The following DLG2 variants were observed in gnomAD, a reference collection of about 807,000 sequenced individuals.
The protein encoded by DLG2 is disks large homolog 2.
DLG2 carries 45 observed loss-of-function variants against 132.5 expected under a neutral mutation model. The ratio of observed to expected loss-of-function variants is 0.34; its 90% CI spans 0.27 to 0.44. The LOEUF is 0.44. Among genes scored for constraint, DLG2 ranks in the 20% least tolerant of loss-of-function variants. The pLI, the probability that DLG2 is intolerant of heterozygous loss-of-function variation, is 1.00. For synonymous variants in DLG2, 424 were observed against 419.6 expected (o/e 1.01, Z -0.13); for missense variants, 1,045 against 1,196.9 (o/e 0.87, Z 1.87).
At chr11:84,653,263 G>C (rs2099684314) in intron 6 of DLG2, among the ~76,000 whole-genome samples, 1 of 152,096 alleles carries the variant, frequency 6.6e-6, no homozygotes. Flanking sequence ...AAGTAGATGT[G>C]ATTCCAGACT....
intron 6 of DLG2, among the ~76,000 whole-genome samples, chr11:84,572,047 A>C (rs1276919621): frequency 1.4e-5 from 2 of 146,828 alleles, no homozygotes; most frequent in Non-Finnish European, 3.0e-5. Flanking sequence ...TGGATTCTAG[A>C]TTTTTTTTTT....
At chr11:83,868,197 G>C (rs916629211) in intron 16 of DLG2, among the ~76,000 whole-genome samples, 11 of 152,134 alleles carry the variant, frequency 7.2e-5, no homozygotes, top group African/African-American at 2.7e-4. Context: ...TGGAAGGAAG[G>C]CCTGCAAACT....
At chr11:84,499,060 G>T (rs1283050660) in intron 7 of DLG2, among the ~76,000 whole-genome samples, 1 of 152,158 alleles carries the variant, frequency 6.6e-6, no homozygotes, top group Non-Finnish European at 1.5e-5. Context: ...TTAGTAACTT[G>T]TTTAAACATA....
At chr11:83,990,148 C>G (rs979647385) in intron 11 of DLG2, among the ~76,000 whole-genome samples, 3 of 151,884 alleles carry the variant, frequency 2.0e-5, no homozygotes, top group Non-Finnish European at 4.4e-5. Flanking sequence ...AATCATTTCA[C>G]AAAAGGAAGT....
In DLG2 at chr11:85,601,427, G is replaced by A. The variant is rs535157157; in HGVS notation, c.-92-2639C>T. 4.6e-4 allele frequency among the ~76,000 whole-genome samples: 70 copies of A among 151,744 alleles called. 1 individual carries two copies. The highest frequency in any genetic ancestry group is 1.7e-3 in the Admixed American group (26 of 15,232). ...GTGATCTCGGCTCACTGCAACCTCC[G>A]CCTTCTGGGTTCAAGCAGTTCTCCT... On this transcript the variant is annotated intron_variant, in intron 2 of 27. Transcript: ENST00000376104.
intron 3 of DLG2, among the ~76,000 whole-genome samples, chr11:85,350,198 C>T (rs1042970178): frequency 2.8e-4 from 42 of 152,358 alleles, no homozygotes; most frequent in African/African-American, 8.4e-4. Context: ...CTGTTGGCTA[C>T]ATAGACGTCT....
chr11:85,334,025 C>T (rs1380366420), intron 3 of DLG2, among the ~76,000 whole-genome samples: 3 of 152,100 alleles, frequency 2.0e-5, no homozygotes, highest in Non-Finnish European at 4.4e-5. Flanking sequence ...CTGCTTTATA[C>T]ATCTGGTAGA....
intron 6 of DLG2, among the ~76,000 whole-genome samples, chr11:84,846,618 T>C (rs1046178245): frequency 6.6e-6 from 1 of 152,166 alleles, no homozygotes. Context: ...TTATAACGTG[T>C]GGTAGCTGGT....
intron 6 of DLG2, among the ~76,000 whole-genome samples, chr11:85,040,464 A>G (rs943102198): frequency 2.0e-5 from 3 of 151,962 alleles, no homozygotes; most frequent in Admixed American, 2.0e-4. Flanking sequence ...AACAAAATGA[A>G]TGATCTTGCC....
At chr11:85,348,443 T>G (rs1189832957) in intron 3 of DLG2, among the ~76,000 whole-genome samples, 1 of 151,754 alleles carries the variant, frequency 6.6e-6, no homozygotes, top group African/African-American at 2.4e-5. Context: ...CAGGATGGTC[T>G]CAATCTCCTG....
At chr11:85,276,179 A>G (rs539514068) in intron 4 of DLG2, among the ~76,000 whole-genome samples, 49 of 152,094 alleles carry the variant, frequency 3.2e-4, no homozygotes, top group Non-Finnish European at 5.7e-4. Flanking sequence ...CTCTCACCAT[A>G]ATATTTTCAA....
chr11:85,160,785 G>A lies in DLG2; in HGVS notation c.187-6134C>T, dbSNP rs181738910. ...GGGAGTTCCCTATGATCAGTTGACA[G>A]AGGAAAAGACTAGGGCCTGGTTCAC... is the stretch of plus-strand genomic sequence containing the variant. On this transcript the variant is annotated intron_variant, in intron 4 of 27. Transcript: ENST00000376104. Among the ~76,000 whole-genome samples, 287 of 152,272 alleles carry A rather than the reference G, an allele frequency of 1.9e-3. 1 individual carries two copies. Among genetic ancestry groups the A allele is most frequent in the African/African-American group, 6.7e-3 (279 of 41,556 alleles).
At chr11:84,655,188 T>C (rs2099686731) in intron 6 of DLG2, among the ~76,000 whole-genome samples, 1 of 152,134 alleles carries the variant, frequency 6.6e-6, no homozygotes, top group South Asian at 2.1e-4. Flanking sequence ...TGCAGGGCAA[T>C]TTAACCATTC....
chr11:84,136,064 C>T (rs1194735572), intron 9 of DLG2, among the ~76,000 whole-genome samples: 1 of 152,030 alleles, frequency 6.6e-6, no homozygotes, highest in Non-Finnish European at 1.5e-5. Context: ...AATCAGATGG[C>T]GATCCCAAGG....
At chr11:85,178,544 T>C (rs965773188) in intron 4 of DLG2, among the ~76,000 whole-genome samples, 7 of 151,830 alleles carry the variant, frequency 4.6e-5, no homozygotes, top group African/African-American at 1.7e-4. Flanking sequence ...CCAATATGAA[T>C]ATAATAAAAG....
At chr11:84,964,670 T>TA (rs2053075385) in intron 6 of DLG2, among the ~76,000 whole-genome samples, 1 of 152,120 alleles carries the variant, frequency 6.6e-6, no homozygotes, top group African/African-American at 2.4e-5. Context: ...GGCACTGATG[T>TA]AAAAATATTC....
intron 6 of DLG2, among the ~76,000 whole-genome samples, chr11:84,820,874 A>G (rs2077593846): frequency 6.6e-6 from 1 of 151,798 alleles, no homozygotes; most frequent in African/African-American, 2.4e-5. Flanking sequence ...CTTCTTCCAT[A>G]GTCTGTGAAT....
At chr11:85,565,803 CTATGAACATTAGTT>C (rs1369044684) in intron 3 of DLG2, among the ~76,000 whole-genome samples, 1 of 152,076 alleles carries the variant, frequency 6.6e-6, no homozygotes, top group East Asian at 1.9e-4. Flanking sequence ...ACTACCGCTG[CTATGAACATTAGTT>C]TACACATCTT....
chr11:85,125,507 A>G (rs1454379968), intron 5 of DLG2, among the ~76,000 whole-genome samples: 1 of 152,210 alleles, frequency 6.6e-6, no homozygotes, highest in Non-Finnish European at 1.5e-5. Context: ...TAAGCCCTAT[A>G]TAAGTGCATT....
Sources: allele counts gnomAD v4.1 joint callset (sites outside exome capture counted in the v4.1 genomes callset), GRCh38; gene constraint gnomAD v4.1.1; transcripts MANE v1.5; gene names NCBI Gene and HGNC (gene_info 2026-07-23, HGNC 2026-07-21).